Variants in TRAPPC10 observed in about 807,000 individuals in gnomAD.
TRAPPC10 encodes the protein trafficking protein particle complex subunit 10.
TRAPPC10 carries 23 observed loss-of-function variants against 125.5 expected under a neutral mutation model. The ratio of observed to expected loss-of-function variants is 0.18; its 90% CI spans 0.13 to 0.26. The LOEUF (loss-of-function observed/expected upper bound fraction) is 0.26, where lower values mean the gene tolerates loss of function less well. TRAPPC10 is among the 10% of genes least tolerant of loss of function. The pLI, the probability that TRAPPC10 is intolerant of heterozygous loss-of-function variation, is 1.00. For synonymous variants in TRAPPC10, 509 were observed against 518.0 expected, an observed-to-expected ratio of 0.98 and a Z score of 0.24; for missense variants, 1,123 against 1,308.4, an observed-to-expected ratio of 0.86 and a Z score of 2.19.
rs2038082916 is a variant in TRAPPC10 at position 44,085,735 on chromosome 21, AG to A, written c.2381-1064del. Among the ~76,000 whole-genome samples the A allele has an allele frequency of 4.6e-5, 7 of 152,216 alleles. No individual in the cohort carries two copies. The South Asian group carries it at 1.2e-3, about 27-fold the overall frequency. ...AAAAAAAAAAAAGTTTTCCTTTGAA[AG>A]GGTTGATTAAACTTGTCCGTCTGGC... is the stretch of plus-strand genomic sequence containing the variant. On this transcript the variant is annotated intron_variant, in intron 15 of 22. Transcript: ENST00000291574.
chr21:44,030,901 G>T (rs973209925), intron 1 of TRAPPC10, among the ~76,000 whole-genome samples: 6 of 152,160 alleles, frequency 3.9e-5, no homozygotes, highest in Non-Finnish European at 7.4e-5. Context: ...TGCCTTGTTG[G>T]AAGTGACTGA....
In TRAPPC10 at chr21:44,063,362, G is replaced by A. The variant is rs555453500; in HGVS notation, c.791-176G>A. ...TGTTGCCTGGGTCACGTTACCCTCAGCTCGGCTGTCAGTGCTGGGAGCCGA... is the reference window on the plus strand; with the variant it reads ...TGTTGCCTGGGTCACGTTACCCTCAACTCGGCTGTCAGTGCTGGGAGCCGA... On this transcript the variant is annotated intron_variant, in intron 6 of 22. Coordinates refer to ENST00000291574, the MANE Select transcript of TRAPPC10 (RefSeq NM_003274.5). The surrounding 1 kb of genome is among the most constrained non-coding windows in gnomAD (Gnocchi z 4.4). Among the ~76,000 whole-genome samples the A allele has an allele frequency of 7.2e-5, 11 of 152,328 alleles. No homozygotes were observed. The East Asian group carries it at 1.9e-3, about 27-fold the overall frequency.
At chr21:44,033,301 C>T (rs1280182686) in intron 2 of TRAPPC10, among the ~76,000 whole-genome samples, 3 of 152,156 alleles carry the variant, frequency 2.0e-5, no homozygotes, top group African/African-American at 7.2e-5. Context: ...AGGTGGCTTT[C>T]TGGAGTTGAC....
chr21:44,074,992 C>A, intron 8 of TRAPPC10, 47 bp from the exon 9 acceptor site: 1 of 1,327,756 alleles, frequency 7.5e-7, no homozygotes, highest in Non-Finnish European at 1.1e-6. Flanking sequence ...GAATTCCCTG[C>A]TGACTCTTAC....
At chr21:44,062,919 T>G in intron 6 of TRAPPC10, 4 of 1,250,048 alleles carry the variant, frequency 3.2e-6, no homozygotes, top group African/African-American at 3.1e-5. Context: ...TACATTGTTA[T>G]GCTTATTTTA....
chr21:44,022,696 A>T (rs2032653477), intron 1 of TRAPPC10, among the ~76,000 whole-genome samples: 1 of 152,040 alleles, frequency 6.6e-6, no homozygotes, highest in South Asian at 2.1e-4. Flanking sequence ...TGTTTGAATT[A>T]GTATCCAAAT....
At chr21:44,092,230 C>T (rs1279949402) in intron 19 of TRAPPC10, among the ~76,000 whole-genome samples, 181 bp downstream of exon 19, 2 of 152,204 alleles carry the variant, frequency 1.3e-5, no homozygotes, top group African/African-American at 4.8e-5. Context: ...CCTGAGTAAG[C>T]GGGTGGCTGG....
At chr21:44,090,881 T>G (rs2038528661) in intron 18 of TRAPPC10, among the ~76,000 whole-genome samples, 1 of 152,158 alleles carries the variant, frequency 6.6e-6, no homozygotes, top group Non-Finnish European at 1.5e-5. Context: ...CAATAATCTC[T>G]AAAAGAACCT....
At chr21:44,050,465 G>T (rs191060246) in intron 3 of TRAPPC10, among the ~76,000 whole-genome samples, 1 of 152,290 alleles carries the variant, frequency 6.6e-6, no homozygotes, top group East Asian at 1.9e-4. Context: ...GAGGCTTCCA[G>T]CAGCTCCTTG....
chr21:44,086,731 C>G (rs2038160428), intron 15 of TRAPPC10, 71 bp from the exon 16 acceptor site: 9 of 1,536,728 alleles, frequency 5.9e-6, no homozygotes, highest in Middle Eastern at 1.7e-4. Context: ...GCCCCTTTCA[C>G]CCCATTGCGG....
chr21:44,077,579 T>G, intron 10 of TRAPPC10, 114 bp from the exon 11 acceptor site: 1 of 770,020 alleles, frequency 1.3e-6, no homozygotes, highest in Non-Finnish European at 2.1e-6. Flanking sequence ...AGCAAGACTC[T>G]GTCTCAAAAC....
rs765574360 is a variant in TRAPPC10 at position 44,037,862 on chromosome 21, C to T, written c.220C>T (p.Pro74Ser). 6.2e-7 allele frequency: 1 copy of T among 1,614,148 alleles called. No homozygotes were observed. The highest frequency in any genetic ancestry group is 1.7e-5 in the Admixed American group (1 of 60,022). Residue 74 changes from proline to serine, a missense_variant, in exon 3 of 23, where the codon CCC (proline) becomes TCC (serine). Around this residue, in one of 4 missense-constraint regions of TRAPPC10, gnomAD observed 177 missense variants for 228.9 expected, o/e 0.77. Transcript: ENST00000291574. The part of the protein sequence containing the change: ...NFVQFKEELL[P>S]KEGNKALLTF... ...TGTTCAATTCAAAGAGGAGCTGCTG[C>T]CCAAAGAAGGAAACAAAGCTCTGCT... is the stretch of plus-strand genomic sequence containing the variant.
intron 10 of TRAPPC10, 56 bp from the exon 11 acceptor site, chr21:44,077,637 G>C (rs1483976874): frequency 7.8e-7 from 1 of 1,287,918 alleles, no homozygotes; most frequent in African/African-American, 1.5e-5. Flanking sequence ...AATAAATGTA[G>C]TATTTGTCCA....
At position 44,063,219 on chromosome 21, in the gene TRAPPC10, C is replaced by A; in HGVS notation, c.791-319C>A. The A allele has an allele frequency of 7.9e-7, 1 of 1,267,528 alleles. No homozygotes were observed. Among genetic ancestry groups the A allele is most frequent in the Non-Finnish European group, 1.0e-6 (1 of 988,360 alleles). The allele number at this position is 1,267,528 out of a possible 1,614,324, so 78.5% of individuals were successfully genotyped here. A position where few individuals can be genotyped will look rare whatever the true frequency, so the allele number is the denominator to read the frequency against. ...CTGCAGCCTAAGACTAGAGCCCTCCCTCGGCCTGAGACAGAGCCTGAGCTC... is the reference window on the plus strand; with the variant it reads ...CTGCAGCCTAAGACTAGAGCCCTCCATCGGCCTGAGACAGAGCCTGAGCTC... On this transcript the variant is annotated intron_variant, in intron 6 of 22. Transcript: ENST00000291574. The surrounding 1 kb of genome is among the most constrained non-coding windows in gnomAD (Gnocchi z 4.4).
At chr21:44,039,435 C>T (rs950465829) in intron 3 of TRAPPC10, among the ~76,000 whole-genome samples, 2 of 152,198 alleles carry the variant, frequency 1.3e-5, no homozygotes, top group African/African-American at 2.4e-5. Flanking sequence ...GTTCTGGGAG[C>T]TCGTTGCCCT....
At chr21:44,053,094 A>G (rs1374492751) in intron 4 of TRAPPC10, among the ~76,000 whole-genome samples, 1 of 151,976 alleles carries the variant, frequency 6.6e-6, no homozygotes, top group Non-Finnish European at 1.5e-5. Flanking sequence ...GAACTCACCC[A>G]AGGCCTGGGG....
At chr21:44,019,194 G>C (rs1159688811) in intron 1 of TRAPPC10, among the ~76,000 whole-genome samples, 2 of 152,082 alleles carry the variant, frequency 1.3e-5, no homozygotes, top group Non-Finnish European at 2.9e-5. Flanking sequence ...GTAGCTGCTT[G>C]TGTGCCACCA....
intron 7 of TRAPPC10, among the ~76,000 whole-genome samples, chr21:44,069,432 C>T (rs1448335274): frequency 3.9e-5 from 6 of 152,130 alleles, no homozygotes; most frequent in Non-Finnish European, 8.8e-5. Flanking sequence ...TAGCAAAATG[C>T]AAACTGAAGC....
intron 1 of TRAPPC10, among the ~76,000 whole-genome samples, chr21:44,027,024 C>G (rs1325609498): frequency 6.6e-6 from 1 of 152,166 alleles, no homozygotes; most frequent in African/African-American, 2.4e-5. Context: ...GTCTTGTTAA[C>G]AGGTTGAAAC....
Sources: gnomAD v4.1 joint callset for allele counts (sites outside exome capture counted in the v4.1 genomes callset) on GRCh38, gnomAD v4.1.1 for gene constraint, gnomAD v4.1.1 regional missense constraint, Gnocchi (gnomAD v3.1) non-coding constraint, MANE v1.5 for transcripts, NCBI Gene and HGNC (gene_info 2026-07-23, HGNC 2026-07-21) for gene names.